TMEM135: variants seen among roughly 807,000 people sequenced by gnomAD.
TMEM135 encodes peroxisomal membrane protein 52.
TMEM135 carries 30 observed loss-of-function variants against 60.3 expected under a neutral mutation model. The ratio of observed to expected loss-of-function variants is 0.50; its 90% CI spans 0.37 to 0.68. The LOEUF is 0.68. TMEM135 is among the 30% of genes least tolerant of loss of function. The pLI, the probability that TMEM135 is intolerant of heterozygous loss-of-function variation, is 0.00. For missense variants in TMEM135, 468 were observed against 548.8 expected, an observed-to-expected ratio of 0.85 and a Z score of 1.47; for synonymous variants, 190 against 186.7, an observed-to-expected ratio of 1.02 and a Z score of -0.14.
rs930562563 is a variant in TMEM135, at chr11:87,326,273, T to C, written c.*4940T>C. ...CTTGCTTAGACTCAGCATCCCTTTC[T>C]GTCTTGAGAGATTCAGGCTTCCATA... On this transcript the variant is annotated 3_prime_UTR_variant, in exon 15 of 15. Transcript: ENST00000305494. 4.0e-5 allele frequency: 18 copies of C among 453,972 alleles called. No individual in the cohort carries two copies. The highest frequency in any genetic ancestry group is 2.8e-4 in the East Asian group (4 of 14,400). The allele number at this position is 453,972 out of a possible 1,614,324, so 28.1% of individuals were successfully genotyped here.
At chr11:87,146,405 C>G (rs670125) in intron 4 of TMEM135, among the ~76,000 whole-genome samples, 55,809 of 151,836 alleles carry the variant, frequency 0.37, 10,791 homozygotes, top group East Asian at 0.67. Context: ...CTCTGGAGTA[C>G]TTGGGAGTAG....
In TMEM135 at chr11:87,038,063, G is replaced by A. The variant is rs1435637106; in HGVS notation, c.18G>A (p.Lys6=). 1.2e-6 allele frequency: 2 copies of A among 1,614,138 alleles called. No homozygotes were observed. Among genetic ancestry groups the A allele is most frequent in the Non-Finnish European group, 1.7e-6 (2 of 1,180,022 alleles). MAALS[K]SIPHNCYEIG... ...TCCTCGTCATGGCGGCCCTCAGCAA[G>A]TCCATCCCTCATAACTGCTATGAGA... is the stretch of plus-strand genomic sequence containing the variant. The change falls in exon 1 of 15, where the codon AAG becomes AAA. Residue 6 remains lysine, a synonymous_variant. Coordinates refer to ENST00000305494, the MANE Select transcript of TMEM135 (RefSeq NM_022918.4).
intron 4 of TMEM135, among the ~76,000 whole-genome samples, chr11:87,132,207 C>G (rs1443670884): frequency 6.6e-6 from 1 of 152,094 alleles, no homozygotes; most frequent in African/African-American, 2.4e-5. Flanking sequence ...CCGCCACCAC[C>G]CACTGCTGGT....
At chr11:87,061,951 G>A (rs1483562769) in intron 1 of TMEM135, among the ~76,000 whole-genome samples, 2 of 152,076 alleles carry the variant, frequency 1.3e-5, no homozygotes, top group Non-Finnish European at 2.9e-5. Context: ...ATTGCTGCCT[G>A]TCTTTTGACT....
chr11:87,161,690 A>G (rs893458048), intron 5 of TMEM135, among the ~76,000 whole-genome samples: 1 of 152,144 alleles, frequency 6.6e-6, no homozygotes, highest in Non-Finnish European at 1.5e-5. Flanking sequence ...AAGCTAAGTG[A>G]CTTCTGTAGC....
intron 6 of TMEM135, among the ~76,000 whole-genome samples, chr11:87,264,859 T>A (rs1941720319): frequency 1.2e-5 from 1 of 83,652 alleles, no homozygotes; most frequent in Admixed American, 1.0e-4. Context: ...GACTAGATTT[T>A]CAAAGAGACA....
rs1485185892 is a variant in TMEM135, at chr11:87,323,788, G to A, written c.*2455G>A. 2 of 453,774 alleles carry A rather than the reference G, an allele frequency of 4.4e-6. No individual in the cohort carries two copies. Among genetic ancestry groups the A allele is most frequent in the Admixed American group, 2.4e-5 (1 of 42,536 alleles). 28.1% of individuals were successfully genotyped at this position (453,774 alleles called of 1,614,324 possible). ...TTGTCTCAAATCTATTCAATTCTCA[G>A]CAGTTTTTCATCAAATAATTTCAGG... On this transcript the variant is annotated 3_prime_UTR_variant, in exon 15 of 15. Coordinates refer to ENST00000305494, the MANE Select transcript of TMEM135 (RefSeq NM_022918.4).
At chr11:87,059,453 T>C (rs2135126100) in intron 1 of TMEM135, among the ~76,000 whole-genome samples, 1 of 152,184 alleles carries the variant, frequency 6.6e-6, no homozygotes, top group Middle Eastern at 3.4e-3. Context: ...GTAGCTGGGA[T>C]TACAGGCGTG....
At chr11:87,160,191 C>G (rs1449537621) in intron 5 of TMEM135, among the ~76,000 whole-genome samples, 1 of 152,162 alleles carries the variant, frequency 6.6e-6, no homozygotes, top group Non-Finnish European at 1.5e-5. Flanking sequence ...GTTTCCTCCT[C>G]CCTGTTCTGG....
intron 6 of TMEM135, among the ~76,000 whole-genome samples, chr11:87,287,124 A>C (rs917631353): frequency 2.6e-5 from 4 of 152,188 alleles, no homozygotes; most frequent in Non-Finnish European, 4.4e-5. Context: ...CTCCAATTGA[A>C]TAATTTGAGG....
chr11:87,322,096 C>T lies in TMEM135; in HGVS notation c.*763C>T, dbSNP rs1199491044. ...TTGAAATGTATGTTTTAATCTTTCA[C>T]AGAAGTATTACACTTGAATATTTAA... On this transcript the variant is annotated 3_prime_UTR_variant, in exon 15 of 15. Transcript: ENST00000305494. 6.6e-6 allele frequency: 3 copies of T among 454,234 alleles called. No homozygotes were observed. The allele number at this position is 454,234 out of a possible 1,614,324, so 28.1% of individuals were successfully genotyped here.
intron 5 of TMEM135, among the ~76,000 whole-genome samples, chr11:87,169,937 C>A (rs747679137): frequency 1.3e-5 from 2 of 152,100 alleles, no homozygotes; most frequent in Non-Finnish European, 2.9e-5. Flanking sequence ...TCAGGTACAC[C>A]AATCAAACAT....
rs960450292 is a variant in TMEM135 at position 87,322,888 on chromosome 11, A to G, written c.*1555A>G. 4 of 454,304 alleles carry G rather than the reference A, an allele frequency of 8.8e-6. No homozygotes were observed. Among genetic ancestry groups the G allele is most frequent in the South Asian group, 1.6e-5 (1 of 64,478 alleles). 28.1% of individuals were successfully genotyped at this position (454,304 alleles called of 1,614,324 possible). On this transcript the variant is annotated 3_prime_UTR_variant, in exon 15 of 15. Transcript: ENST00000305494. ...GTAGAACTGACCTGTTTATTTGGCAATGCTGTTAAAGGATCATTTCGGTTT... is the reference window on the plus strand; with the variant it reads ...GTAGAACTGACCTGTTTATTTGGCAGTGCTGTTAAAGGATCATTTCGGTTT...
intron 4 of TMEM135, among the ~76,000 whole-genome samples, chr11:87,126,597 A>AATAT (rs57158448): frequency 0.12 from 18,746 of 150,210 alleles, 1,249 homozygotes; most frequent in Middle Eastern, 0.14. Context: ...TGCTTTTTAA[A>AATAT]ATATATATAT....
chr11:87,265,816 T>C lies in TMEM135; in HGVS notation c.509+29132T>C, dbSNP rs544186966. 5.6e-4 allele frequency among the ~76,000 whole-genome samples: 86 copies of C among 152,214 alleles called. 1 individual carries two copies. The highest frequency in any genetic ancestry group is 1.9e-3 in the African/African-American group (80 of 41,576). On this transcript the variant is annotated intron_variant, in intron 6 of 14. Coordinates refer to ENST00000305494, the MANE Select transcript of TMEM135 (RefSeq NM_022918.4). ...TTATTATTAAACATTGTATAGAAAATATCAGTGATCATTGTATGCACTGAG... is the reference window on the plus strand; with the variant it reads ...TTATTATTAAACATTGTATAGAAAACATCAGTGATCATTGTATGCACTGAG...
intron 6 of TMEM135, among the ~76,000 whole-genome samples, chr11:87,290,889 G>C (rs1942250836): frequency 6.6e-6 from 1 of 152,124 alleles, no homozygotes; most frequent in African/African-American, 2.4e-5. Context: ...AAGTTGAAAA[G>C]TCTACATATA....
intron 5 of TMEM135, among the ~76,000 whole-genome samples, chr11:87,176,426 A>T (rs1939369915): frequency 6.6e-6 from 1 of 152,222 alleles, no homozygotes. Context: ...ATCCCTTTTT[A>T]AAAAAATAAA....
rs77659895 is a variant in TMEM135 at position 87,321,447 on chromosome 11, C to A, written c.*114C>A. ...TTCAGTGTTATTTCAGTTAGAGATA[C>A]TCTTTTCATTTGTTTTGTTTTTCTT... On this transcript the variant is annotated 3_prime_UTR_variant, in exon 15 of 15. Coordinates refer to ENST00000305494, the MANE Select transcript of TMEM135 (RefSeq NM_022918.4). 8.6e-4 allele frequency: 991 copies of A among 1,147,028 alleles called. 19 individuals carry two copies. The East Asian group carries it at 0.021, about 25-fold the overall frequency. The allele number at this position is 1,147,028 out of a possible 1,614,324, so 71.1% of individuals were successfully genotyped here.
chr11:87,087,200 G>A (rs996369277), intron 3 of TMEM135, among the ~76,000 whole-genome samples: 1 of 151,780 alleles, frequency 6.6e-6, no homozygotes, highest in African/African-American at 2.4e-5. Flanking sequence ...CGAGGCTGCT[G>A]ACATGCCCAG....
Sources: gnomAD v4.1 joint callset for allele counts (sites outside exome capture counted in the v4.1 genomes callset) on GRCh38, gnomAD v4.1.1 for gene constraint, MANE v1.5 for transcripts, NCBI Gene and HGNC (gene_info 2026-07-23, HGNC 2026-07-21) for gene names.